The following TMEM247 variants were observed in gnomAD, a reference collection of about 807,000 sequenced individuals.
TMEM247 encodes the protein transmembrane protein ENSP00000343375.
TMEM247 carries 23 observed loss-of-function variants against 20.7 expected under a neutral mutation model. The observed-to-expected ratio is 1.11, with a 90% CI of 0.80 to 1.57. The LOEUF (loss-of-function observed/expected upper bound fraction) is 1.57. TMEM247 is among the 40% of genes most tolerant of loss of function. The pLI is 0.00. For synonymous variants in TMEM247, 106 were observed against 111.9 expected, an observed-to-expected ratio of 0.95 and a Z score of 0.33; for missense variants, 354 against 283.8, an observed-to-expected ratio of 1.25 and a Z score of -1.78.
At chr2:46,480,624 T>A in exon 2 of TMEM247, 2 of 1,397,952 alleles carry the variant, frequency 1.4e-6, no homozygotes, top group Non-Finnish European at 1.9e-6. Context: ...GCGCATGGAG[T>A]TCGAGCTCAC....
chr2:46,479,807 C>A, intron 1 of TMEM247, 105 bp downstream of exon 1: 1 of 805,666 alleles, frequency 1.2e-6, no homozygotes, highest in Non-Finnish European at 2.0e-6. Context: ...CCAAGAACAT[C>A]AGGTGACATG....
At chr2:46,479,875 G>T (rs1242474752) in intron 1 of TMEM247, among the ~76,000 whole-genome samples, 173 bp downstream of exon 1, 4 of 152,194 alleles carry the variant, frequency 2.6e-5, no homozygotes, top group Admixed American at 6.5e-5. Flanking sequence ...CCCTCCATAA[G>T]ATTGTGAAGT....
intron 1 of TMEM247, among the ~76,000 whole-genome samples, chr2:46,480,085 T>C (rs932617948): frequency 2.0e-5 from 3 of 152,164 alleles, no homozygotes; most frequent in African/African-American, 4.8e-5. Flanking sequence ...CAAAGTCAGG[T>C]AGAGTTGAGG....
At chr2:46,484,192 G>A (rs1686943071) in intron 2 of TMEM247, 52 bp from the exon 3 acceptor site, 3 of 1,492,278 alleles carry the variant, frequency 2.0e-6, no homozygotes, top group Non-Finnish European at 2.7e-6. Flanking sequence ...ACCTAGATCT[G>A]CCTGGCGCCA....
exon 1 of TMEM247, chr2:46,479,653 A>G (rs563164420): frequency 3.5e-5 from 54 of 1,551,778 alleles, no homozygotes; most frequent in Middle Eastern, 3.3e-4. Flanking sequence ...ACCTTCCCCA[A>G]GATGGTGCCT....
chr2:46,482,349 AC>A (rs1686904593), intron 2 of TMEM247, among the ~76,000 whole-genome samples: 1 of 152,210 alleles, frequency 6.6e-6, no homozygotes, highest in South Asian at 2.1e-4. Context: ...CAAACTTGTG[AC>A]TTTTCTCAGT....
chr2:46,483,049 A>C (rs17035171), intron 2 of TMEM247, among the ~76,000 whole-genome samples: 12,337 of 152,158 alleles, frequency 0.081, 1,736 homozygotes, highest in African/African-American at 0.28. Context: ...GAGTGTATTG[A>C]ATTGAAAATA....
chr2:46,481,793 T>TG (rs1164961133), intron 2 of TMEM247, among the ~76,000 whole-genome samples: 6 of 152,356 alleles, frequency 3.9e-5, no homozygotes, highest in Admixed American at 1.3e-4. Flanking sequence ...TTCCCAGCTC[T>TG]GAGTCATCCT....
At chr2:46,482,625 A>G (rs1199747996) in intron 2 of TMEM247, among the ~76,000 whole-genome samples, 1 of 152,208 alleles carries the variant, frequency 6.6e-6, no homozygotes, top group East Asian at 1.9e-4. Flanking sequence ...TTTTTTAATG[A>G]AAGTCATAAT....
chr2:46,479,575 T>C (rs1219336336), exon 1 of TMEM247: 1 of 1,550,718 alleles, frequency 6.4e-7, no homozygotes, highest in Non-Finnish European at 8.7e-7. Context: ...GGCAGCGTTC[T>C]GGTTTTCTGG....
At position 46,480,806 on chromosome 2, in the gene TMEM247, G is replaced by A. The variant is rs113526005; in HGVS notation, c.477+42G>A. The A allele has an allele frequency of 1.5e-4, 232 of 1,513,612 alleles. 1 individual carries two copies. The African/African-American group carries it at 2.7e-3, about 18-fold the overall frequency. The allele number at this position is 1,513,612 out of a possible 1,614,324, so 93.8% of individuals were successfully genotyped here. A position where few individuals can be genotyped will look rare whatever the true frequency, so the allele number is the denominator to read the frequency against. Reference sequence around the variant, plus strand: ...GGGGCACTGGGAGGAGGGAGGCCTGGAGCTGAAGTCCCATGGGGCCTGGAG... The same window carrying A: ...GGGGCACTGGGAGGAGGGAGGCCTGAAGCTGAAGTCCCATGGGGCCTGGAG... On this transcript the variant is annotated intron_variant, in intron 2 of 2. Transcript: ENST00000434431.
chr2:46,480,804 T>C, intron 2 of TMEM247, 40 bp downstream of exon 2: 1 of 1,493,412 alleles, frequency 6.7e-7, no homozygotes, highest in Non-Finnish European at 8.9e-7. Flanking sequence ...GAGGGAGGCC[T>C]GGAGCTGAAG....
chr2:46,480,630 C>A (rs1686863477), exon 2 of TMEM247: 2 of 1,550,746 alleles, frequency 1.3e-6, no homozygotes, highest in East Asian at 2.5e-5. Context: ...GGAGTTCGAG[C>A]TCACGCGGCT....
chr2:46,479,746 G>T lies in TMEM247; in HGVS notation c.117+44G>T, dbSNP rs1232930660. ...CTCACCACCCCCGCCTATTCCGTCAGGGGGAGCAAGAATACTGTAGGAACA... is the reference window on the plus strand; with the variant it reads ...CTCACCACCCCCGCCTATTCCGTCATGGGGAGCAAGAATACTGTAGGAACA... On this transcript the variant is annotated intron_variant, in intron 1 of 2. Coordinates refer to ENST00000434431, the Ensembl canonical transcript of TMEM247. 2.2e-6 allele frequency: 3 copies of T among 1,374,612 alleles called. No individual in the cohort carries two copies. In the African/African-American group the frequency reaches 4.3e-5, roughly 20 times the overall value. The allele number at this position is 1,374,612 out of a possible 1,614,324, so 85.2% of individuals were successfully genotyped here.
intron 2 of TMEM247, among the ~76,000 whole-genome samples, chr2:46,482,240 C>T (rs1178317600): frequency 6.6e-6 from 1 of 152,178 alleles, no homozygotes; most frequent in Admixed American, 6.5e-5. Flanking sequence ...CAGAATCTTC[C>T]CCTGCCCCCA....
intron 2 of TMEM247, among the ~76,000 whole-genome samples, chr2:46,483,594 C>T (rs939068241): frequency 6.6e-6 from 1 of 152,164 alleles, no homozygotes; most frequent in Admixed American, 6.5e-5. Context: ...CTCTTGGAGT[C>T]AGAGGGAGAA....
exon 1 of TMEM247, chr2:46,479,671 C>A (rs371806267): frequency 6.8e-5 from 105 of 1,551,644 alleles, no homozygotes; most frequent in Non-Finnish European, 9.1e-5. Flanking sequence ...CCTGGTGACT[C>A]CAAGTCTGAA....
exon 1 of TMEM247, chr2:46,479,631 G>C (rs1021685987): frequency 5.2e-6 from 8 of 1,551,776 alleles, no homozygotes; most frequent in East Asian, 2.4e-5. Context: ...GGGTGCGGGA[G>C]AAAGTTGCCC....
chr2:46,479,740 C>A, intron 1 of TMEM247, 38 bp downstream of exon 1: 1 of 1,401,632 alleles, frequency 7.1e-7, no homozygotes, highest in South Asian at 1.2e-5. Flanking sequence ...CCCGCCTATT[C>A]CGTCAGGGGG....
Sources: gnomAD v4.1 joint callset for allele counts (sites outside exome capture counted in the v4.1 genomes callset) on GRCh38, gnomAD v4.1.1 for gene constraint, MANE v1.5 for transcripts, NCBI Gene and HGNC (gene_info 2026-07-23, HGNC 2026-07-21) for gene names.